Variants in FHIP2A observed in about 807,000 individuals in gnomAD.
FHIP2A encodes the protein FHF complex subunit HOOK interacting protein 2A, also known as family with sequence similarity 160 member B1.
A neutral mutation model predicts 93.5 loss-of-function variants in FHIP2A; 46 were observed. The observed-to-expected ratio is 0.49, with a 90% CI of 0.39 to 0.63. The LOEUF is 0.63. Ranked by LOEUF, FHIP2A falls within the 20% of genes least tolerant of loss-of-function variation. FHIP2A has a pLI of 0.00. For synonymous variants in FHIP2A, 332 were observed against 326.5 expected (o/e 1.02, Z -0.18); for missense variants, 769 against 909.7 (o/e 0.85, Z 1.99).
intron 6 of FHIP2A, among the ~76,000 whole-genome samples, 199 bp downstream of exon 6, chr10:114,843,425 C>T (rs1197335723): frequency 4.6e-5 from 7 of 151,822 alleles, no homozygotes; most frequent in Admixed American, 3.9e-4. Flanking sequence ...CTGCCTCAGC[C>T]TCCCTAGTAG....
chr10:114,843,037 A>C lies in FHIP2A; in HGVS notation c.627A>C (p.Gln209His), dbSNP rs1322781750. ...CAACAGATACAGGACAGTCCCGTCA[A>C]CCAGAGGAACTATCTGGTGCTACTG... is the stretch of plus-strand genomic sequence containing the variant. ...SLSTDTGQSR[Q>H]PEELSGATGM... Residue 209 changes from glutamine to histidine, a missense_variant, in exon 6 of 17, where the codon CAA becomes CAC. Physicochemically the swap from Gln to His is conservative, Grantham distance 24. Coordinates refer to ENST00000369248, the MANE Select transcript of FHIP2A (RefSeq NM_020940.4). 9.3e-6 allele frequency: 15 copies of C among 1,614,016 alleles called. No homozygotes were observed. Among genetic ancestry groups the C allele is most frequent in the Non-Finnish European group, 1.2e-5 (14 of 1,180,012 alleles).
At chr10:114,867,738 A>G (rs1049286724), downstream of FHIP2A, among the ~76,000 whole-genome samples, 3 of 152,064 alleles carry the variant, frequency 2.0e-5, no homozygotes, top group African/African-American at 4.8e-5. Flanking sequence ...CTGGGTTATC[A>G]TCCCACAACT....
chr10:114,849,922 C>G lies in FHIP2A; in HGVS notation c.1803+1185C>G, dbSNP rs138775504. On this transcript the variant is annotated intron_variant, in intron 13 of 16. Transcript: ENST00000369248. ...TTTACTCAGTGTAAGGTCATGTTTT[C>G]AAGTTTCATTCAAGTTGAAGCATGC... Among the ~76,000 whole-genome samples the G allele has an allele frequency of 4.5e-3, 680 of 152,302 alleles. 5 individuals carry two copies. The highest frequency in any genetic ancestry group is 0.016 in the African/African-American group (668 of 41,554).
At chr10:114,876,710 A>G (rs184251597) in intron 16 of FHIP2A, among the ~76,000 whole-genome samples, 1 of 152,086 alleles carries the variant, frequency 6.6e-6, no homozygotes, top group Admixed American at 6.5e-5. Context: ...TCCAGAGATG[A>G]GTCTCTTCTC....
At chr10:114,831,559 A>G (rs7897937) in intron 2 of FHIP2A, among the ~76,000 whole-genome samples, 62,140 of 152,040 alleles carry the variant, frequency 0.41, 13,309 homozygotes, top group Non-Finnish European at 0.48. Context: ...AAAGGCTACA[A>G]TTATGGGGAA....
Position 114,846,674 on chromosome 10 carries a change from C to A in FHIP2A, c.1514C>A (p.Pro505His). ...GAAAGAAATTATACAGAATATAAAC[C>A]TTTGTGCCCAGAAGATAAAGATGTG... is the stretch of plus-strand genomic sequence containing the variant. ...LEERNYTEYKPLCPEDKDVVE... is the reference protein window; with the variant it reads ...LEERNYTEYKHLCPEDKDVVE... The change falls in exon 11 of 17, where the codon CCT (proline) becomes CAT (histidine). Residue 505 changes from proline to histidine, a missense_variant. By Grantham distance (77) the Pro-to-His change is moderately conservative (BLOSUM62 -2). Transcript: ENST00000369248. 1 of 1,611,102 alleles carries A rather than the reference C, an allele frequency of 6.2e-7. No individual in the cohort carries two copies. The highest frequency in any genetic ancestry group is 1.1e-5 in the South Asian group (1 of 90,044).
intron 5 of FHIP2A, among the ~76,000 whole-genome samples, chr10:114,842,201 T>C (rs1186992381): frequency 1.3e-5 from 2 of 151,974 alleles, no homozygotes; most frequent in Admixed American, 6.6e-5. Flanking sequence ...CCTAGGACCA[T>C]AGGTGCAAGC....
At chr10:114,861,169 G>T in intron 15 of FHIP2A, 62 bp from the exon 16 acceptor site, 1 of 1,577,512 alleles carries the variant, frequency 6.3e-7, no homozygotes, top group Non-Finnish European at 8.6e-7. Context: ...TTTCTTTTTA[G>T]ATCCTGAGGT....
At chr10:114,899,317 A>G (rs1252890700) in intron 16 of FHIP2A, among the ~76,000 whole-genome samples, 1 of 152,246 alleles carries the variant, frequency 6.6e-6, no homozygotes, top group Non-Finnish European at 1.5e-5. Flanking sequence ...TTCTGTGGTA[A>G]GTGACTGAAA....
chr10:114,830,031 A>G (rs1023089242), intron 1 of FHIP2A, among the ~76,000 whole-genome samples: 1 of 152,194 alleles, frequency 6.6e-6, no homozygotes, highest in African/African-American at 2.4e-5. Context: ...AAGCTTAAAA[A>G]AGAAAAGATT....
chr10:114,843,868 C>T lies in FHIP2A; in HGVS notation c.944C>T (p.Ser315Phe), dbSNP rs774416676. The T allele has an allele frequency of 1.9e-6, 3 of 1,611,262 alleles. No homozygotes were observed. The change falls in exon 7 of 17, where the codon TCC (serine) becomes TTC (phenylalanine). Residue 315 changes from serine to phenylalanine, a missense_variant. Transcript: ENST00000369248. Reference sequence around the variant, plus strand: ...GAACTACTGACAGACAGACTTGCCTCCCTGTACAAGGCCCTACCTCAGTCA... The same window carrying T: ...GAACTACTGACAGACAGACTTGCCTTCCTGTACAAGGCCCTACCTCAGTCA... ...LCELLTDRLA[S>F]LYKALPQSVD...
chr10:114,849,604 T>C (rs2083722641), intron 13 of FHIP2A, among the ~76,000 whole-genome samples: 1 of 152,238 alleles, frequency 6.6e-6, no homozygotes, highest in South Asian at 2.1e-4. Context: ...CAAAGAAAAC[T>C]TGTATTGAGA....
chr10:114,881,784 T>C (rs2083918458), intron 16 of FHIP2A, among the ~76,000 whole-genome samples: 2 of 152,182 alleles, frequency 1.3e-5, no homozygotes, highest in South Asian at 4.1e-4. Flanking sequence ...TTCTAGGCCA[T>C]CTCAGAGCTC....
chr10:114,876,808 A>G (rs1000058436), intron 16 of FHIP2A, among the ~76,000 whole-genome samples: 3 of 152,054 alleles, frequency 2.0e-5, no homozygotes, highest in Admixed American at 6.6e-5. Context: ...CCCTCCCCAC[A>G]GTGCACCCCA....
intron 5 of FHIP2A, among the ~76,000 whole-genome samples, chr10:114,839,881 C>CAA (rs10612399): frequency 2.0e-4 from 19 of 95,538 alleles, no homozygotes; most frequent in African/African-American, 5.6e-4. Flanking sequence ...GACTCTGTCT[C>CAA]AAAAAAAAAA....
Position 114,862,601 on chromosome 10 carries a change from G to A in FHIP2A, c.*1061G>A, listed in dbSNP as rs1395749013. 3 of 986,328 alleles carry A rather than the reference G, an allele frequency of 3.0e-6. No individual in the cohort carries two copies. The African/African-American group carries it at 5.2e-5, about 17-fold the overall frequency. The allele number at this position is 986,328 out of a possible 1,614,324, so 61.1% of individuals were successfully genotyped here. A position where few individuals can be genotyped will look rare whatever the true frequency, so the allele number is the denominator to read the frequency against. ...TCCTATTTACATGTTAAAGGATTTG[G>A]GGAAATTGGGTATGTATGTGAATGG... On this transcript the variant is annotated 3_prime_UTR_variant, in exon 17 of 17. Transcript: ENST00000369248.
chr10:114,870,000 G>A (rs2083849337), intron 16 of FHIP2A, among the ~76,000 whole-genome samples: 1 of 152,156 alleles, frequency 6.6e-6, no homozygotes, highest in African/African-American at 2.4e-5. Flanking sequence ...AAAAGACTAG[G>A]GAAGTGTAAT....
chr10:114,890,497 A>T (rs968613955), intron 16 of FHIP2A, among the ~76,000 whole-genome samples: 1 of 146,272 alleles, frequency 6.8e-6, no homozygotes, highest in East Asian at 2.0e-4. Context: ...ACTATATATG[A>T]CATATATAGT....
intron 16 of FHIP2A, among the ~76,000 whole-genome samples, chr10:114,881,322 G>A (rs964139572): frequency 6.6e-6 from 1 of 152,182 alleles, no homozygotes; most frequent in African/African-American, 2.4e-5. Flanking sequence ...GAGTAAGGGA[G>A]ATAAACTGGA....
Sources: allele counts gnomAD v4.1 joint callset (sites outside exome capture counted in the v4.1 genomes callset), GRCh38; gene constraint gnomAD v4.1.1; transcripts MANE v1.5; gene names NCBI Gene and HGNC (gene_info 2026-07-23, HGNC 2026-07-21).